Variants in HAUS4 observed in about 807,000 individuals in gnomAD.
HAUS4 encodes the protein HAUS augmin like complex subunit 4.
In HAUS4, 34 loss-of-function variants were observed where a neutral mutation model predicts 50.6. That is an observed-to-expected ratio of 0.67 (90% CI 0.51 to 0.90). HAUS4 has a LOEUF of 0.90. Among genes scored for constraint, HAUS4 ranks in the 40% least tolerant of loss-of-function variants. The pLI, the probability that HAUS4 is intolerant of heterozygous loss-of-function variation, is 0.00. For missense variants in HAUS4, 370 were observed against 428.7 expected (o/e 0.86, Z 1.21); for synonymous variants, 149 against 161.4 (o/e 0.92, Z 0.58).
chr14:22,948,824 C>T (rs1376813986), intron 6 of HAUS4, among the ~76,000 whole-genome samples: 6 of 152,086 alleles, frequency 3.9e-5, no homozygotes, highest in African/African-American at 1.4e-4. Context: ...CGTAAGCCAC[C>T]GCGCCCGGCC....
intron 8 of HAUS4, 138 bp from the exon 9 acceptor site, chr14:22,947,377 A>G (rs1487153757): frequency 1.3e-6 from 1 of 745,976 alleles, no homozygotes; most frequent in Non-Finnish European, 2.3e-6. Flanking sequence ...TGAATTCCCG[A>G]GCAATTGATC....
chr14:22,949,528 C>CAAAA (rs5807198), intron 6 of HAUS4, among the ~76,000 whole-genome samples: 5 of 75,336 alleles, frequency 6.6e-5, no homozygotes, highest in African/African-American at 1.0e-4. Context: ...GACTTCGTCT[C>CAAAA]AAAAAAAAAA....
Position 22,946,418 on chromosome 14 carries a change from C to T in HAUS4, c.*107G>A. 2 of 760,714 alleles carry T rather than the reference C, an allele frequency of 2.6e-6. No homozygotes were observed. Among genetic ancestry groups the T allele is most frequent in the Non-Finnish European group, 4.1e-6 (2 of 490,410 alleles). The allele number at this position is 760,714 out of a possible 1,614,324, so 47.1% of individuals were successfully genotyped here. On this transcript the variant is annotated 3_prime_UTR_variant, in exon 10 of 10. Transcript: ENST00000541587. The stretch of plus-strand genomic sequence containing the variant: ...GCAGTGTTTCAAGCGTAAGCATTTC[C>T]ACACTCCCTTGTACTGAAGGCAGCC...
chr14:22,953,451 T>C (rs776348362), intron 2 of HAUS4, among the ~76,000 whole-genome samples: 4 of 151,898 alleles, frequency 2.6e-5, no homozygotes, highest in Non-Finnish European at 5.9e-5. Flanking sequence ...TTCTTTTTTA[T>C]TTTTTTCTTT....
rs370287432 is a variant in HAUS4 at position 22,955,081 on chromosome 14, T to C, written c.55+19A>G. ...TCTCTGGATAAATCATCAAACCTTT[T>C]GCAAGTGGCTACTCTTACCTTGTTG... On this transcript the variant is annotated intron_variant, in intron 2 of 9. Transcript: ENST00000541587. 50 of 1,573,636 alleles carry C rather than the reference T, an allele frequency of 3.2e-5. No individual in the cohort carries two copies. Among genetic ancestry groups the C allele is most frequent in the Non-Finnish European group, 4.4e-5 (50 of 1,143,214 alleles).
intron 5 of HAUS4, 88 bp from the exon 6 acceptor site, chr14:22,950,498 T>C: frequency 1.4e-6 from 1 of 722,344 alleles, no homozygotes. Context: ...ATAACCTCAA[T>C]AATAGCCAAA....
At chr14:22,947,326 A>C in intron 8 of HAUS4, 87 bp from the exon 9 acceptor site, 1 of 924,186 alleles carries the variant, frequency 1.1e-6, no homozygotes, top group Non-Finnish European at 1.8e-6. Context: ...GCCGACGGTC[A>C]AGGTGTGGGC....
intron 2 of HAUS4, among the ~76,000 whole-genome samples, chr14:22,953,979 G>C (rs1438789085): frequency 6.6e-6 from 1 of 151,644 alleles, no homozygotes; most frequent in Non-Finnish European, 1.5e-5. Context: ...TGTTGGTCAG[G>C]CTGGTCTCAA....
chr14:22,948,456 G>T (rs973570743), intron 6 of HAUS4, among the ~76,000 whole-genome samples: 1 of 138,622 alleles, frequency 7.2e-6, no homozygotes, highest in Non-Finnish European at 1.6e-5. Context: ...AAAAAAAGCG[G>T]GGGGGGGGAG....
At chr14:22,954,730 CTTTTTTTTTT>C (rs551775168) in intron 2 of HAUS4, 2 of 139,308 alleles carry the variant, frequency 1.4e-5, no homozygotes, top group African/African-American at 5.4e-5. Flanking sequence ...CTTATAAATC[CTTTTTTTTTT>C]TTTTTTTTGG....
chr14:22,952,049 G>C (rs1029296424), intron 4 of HAUS4, among the ~76,000 whole-genome samples: 10 of 151,944 alleles, frequency 6.6e-5, no homozygotes, highest in African/African-American at 2.4e-4. Context: ...ACTGAGTTTC[G>C]CTCTGTCACC....
chr14:22,948,174 C>T, intron 6 of HAUS4, 161 bp from the exon 7 acceptor site: 1 of 743,144 alleles, frequency 1.3e-6, no homozygotes, highest in South Asian at 2.1e-5. Flanking sequence ...CTGGGCTGAG[C>T]ATGGTGGCTT....
In HAUS4 at chr14:22,955,128, A is replaced by T; in HGVS notation, c.27T>A (p.Pro9=). Residue 9 remains proline (P), a synonymous_variant, in exon 2 of 10, where the codon CCT becomes CCA. Transcript: ENST00000541587. ...GTTGAAGTATTTCCATCCCTTCTCC[A>T]GGTGAGCAGAAATCCCCGGATGCCA... MASGDFCS[P]GEGMEILQQV... 6.2e-7 allele frequency: 1 copy of T among 1,612,306 alleles called. No homozygotes were observed. Among genetic ancestry groups the T allele is most frequent in the Non-Finnish European group, 8.5e-7 (1 of 1,178,294 alleles).
rs773337469 is a variant in HAUS4, at chr14:22,947,205, T to C, written c.874A>G (p.Thr292Ala). Residue 292 changes from threonine (T) to alanine (A), a missense_variant, in exon 9 of 10, where the codon ACT (threonine) becomes GCT (alanine). By Grantham distance (58) the Thr-to-Ala change is moderately conservative (BLOSUM62 0). Coordinates refer to ENST00000541587, the MANE Select transcript of HAUS4 (RefSeq NM_001166269.2). ...CGATGAACTTCCACTTTCTCAACAG[T>C]GTAAGTGTCGGACAAAATCTTTAGC... ...EELKILSDTY[T>A]VEKVEVHRLI... 21 of 1,608,152 alleles carry C rather than the reference T, an allele frequency of 1.3e-5. No individual in the cohort carries two copies. The highest frequency in any genetic ancestry group is 1.6e-5 in the Non-Finnish European group (19 of 1,175,190).
At chr14:22,950,519 C>A in intron 5 of HAUS4, 109 bp from the exon 6 acceptor site, 1 of 626,508 alleles carries the variant, frequency 1.6e-6, no homozygotes, top group South Asian at 1.9e-5. Flanking sequence ...GAAAATGCAT[C>A]AAGAGACATC....
At position 22,952,546 on chromosome 14, in the gene HAUS4, C is replaced by T; in HGVS notation, c.193G>A (p.Ala65Thr). The T allele has an allele frequency of 6.2e-7, 1 of 1,613,052 alleles. No individual in the cohort carries two copies. Among genetic ancestry groups the T allele is most frequent in the East Asian group, 2.2e-5 (1 of 44,856 alleles). Residue 65 changes from alanine (A) to threonine (T), a missense_variant, in exon 3 of 10, where the codon GCT becomes ACT. By Grantham distance (58) the Ala-to-Thr change is moderately conservative. Transcript: ENST00000541587. ...GLSLTLAKEQ[A>T]QAWKEVRLHK... ...TCTTCTCCCAAAGCCCTTACCTGAG[C>T]CTGCTCCTTTGCTAGGGTGAGGCTT... is the stretch of plus-strand genomic sequence containing the variant.
intron 8 of HAUS4, 165 bp downstream of exon 8, chr14:22,947,436 G>A: frequency 1.3e-6 from 1 of 788,162 alleles, no homozygotes; most frequent in Non-Finnish European, 2.0e-6. Context: ...AAGTCTCAAG[G>A]ATGTTGAAAG....
At chr14:22,952,216 C>T (rs1472172019) in intron 4 of HAUS4, 112 bp downstream of exon 4, 1 of 796,686 alleles carries the variant, frequency 1.3e-6, no homozygotes, top group Non-Finnish European at 2.1e-6. Context: ...CGGGGTCTTA[C>T]CATGTTGGCC....
intron 2 of HAUS4, among the ~76,000 whole-genome samples, chr14:22,953,980 C>G (rs867094993): frequency 2.0e-4 from 30 of 151,766 alleles, no homozygotes; most frequent in African/African-American, 5.1e-4. Context: ...GTTGGTCAGG[C>G]TGGTCTCAAA....
Sources: allele counts gnomAD v4.1 joint callset (sites outside exome capture counted in the v4.1 genomes callset), GRCh38; gene constraint gnomAD v4.1.1; transcripts MANE v1.5; gene names NCBI Gene and HGNC (gene_info 2026-07-23, HGNC 2026-07-21).